IGDCC3: variants seen among roughly 807,000 people sequenced by gnomAD.
The protein encoded by IGDCC3 is putative neuronal cell adhesion molecule.
In IGDCC3, 47 loss-of-function variants were observed where a neutral mutation model predicts 72.0. The observed-to-expected ratio is 0.65, with a 90% CI of 0.52 to 0.83. The LOEUF (loss-of-function observed/expected upper bound fraction) is 0.83. Among genes scored for constraint, IGDCC3 ranks in the 40% least tolerant of loss-of-function variants. IGDCC3 has a pLI of 0.00. For missense variants in IGDCC3, 1,038 were observed against 1,091.3 expected, an observed-to-expected ratio of 0.95 and a Z score of 0.69; for synonymous variants, 477 against 472.8, an observed-to-expected ratio of 1.01 and a Z score of -0.11.
rs2090944626 is a variant in IGDCC3 at position 65,328,652 on chromosome 15, T to TACC, written c.*254_*256dup. ...TTAGTTCAGTTCCAAGTCATGTGGGTACCAGGCAGAGGCAAGGGGGCGTCA... is the reference window on the plus strand; with the variant it reads ...TTAGTTCAGTTCCAAGTCATGTGGGTACCACCAGGCAGAGGCAAGGGGGCGTCA... On this transcript the variant is annotated 3_prime_UTR_variant, in exon 14 of 14. Transcript: ENST00000327987. 1 of 386,294 alleles carries TACC rather than the reference T, an allele frequency of 2.6e-6. No homozygotes were observed. Among genetic ancestry groups the TACC allele is most frequent in the Admixed American group, 4.5e-5 (1 of 22,314 alleles). The allele number at this position is 386,294 out of a possible 1,614,324, so 23.9% of individuals were successfully genotyped here.
chr15:65,369,049 A>G (rs2091307004), intron 2 of IGDCC3, among the ~76,000 whole-genome samples: 1 of 152,228 alleles, frequency 6.6e-6, no homozygotes, highest in South Asian at 2.1e-4. Context: ...GCCACAAAAC[A>G]GTTACTTAAC....
At position 65,333,360 on chromosome 15, in the gene IGDCC3, G is replaced by A; in HGVS notation, c.879C>T (p.Ile293=). ...GIQVLGTGNL[I]ISDVTVQHSG... ...AGTGCTGGACCGTCACGTCTGAGAT[G>A]ATGAGGTTTCCTGTGCCCAGCACCT... is the stretch of plus-strand genomic sequence containing the variant. The change falls in exon 6 of 14, where the codon ATC becomes ATT. Residue 293 remains isoleucine (I), a synonymous_variant. Coordinates refer to ENST00000327987, the MANE Select transcript of IGDCC3 (RefSeq NM_004884.4). 1 of 1,612,370 alleles carries A rather than the reference G, an allele frequency of 6.2e-7. No homozygotes were observed. The highest frequency in any genetic ancestry group is 2.2e-5 in the East Asian group (1 of 44,742).
chr15:65,337,009 A>G (rs1416881280), intron 2 of IGDCC3, among the ~76,000 whole-genome samples: 3 of 152,060 alleles, frequency 2.0e-5, no homozygotes, highest in African/African-American at 7.2e-5. Flanking sequence ...TCCCAGAGGA[A>G]GCCCTCCCCC....
chr15:65,365,119 G>A (rs1487118034), intron 2 of IGDCC3, among the ~76,000 whole-genome samples: 1 of 152,176 alleles, frequency 6.6e-6, no homozygotes, highest in African/African-American at 2.4e-5. Flanking sequence ...AAATGAGAAA[G>A]CTGGGCTAGA....
chr15:65,367,514 A>G (rs1487066391), intron 2 of IGDCC3, among the ~76,000 whole-genome samples: 1 of 151,766 alleles, frequency 6.6e-6, no homozygotes, highest in Non-Finnish European at 1.5e-5. Flanking sequence ...GTACCCTAAA[A>G]CTTAAAAGTA....
At chr15:65,330,058 C>A (rs1313385650) in intron 11 of IGDCC3, among the ~76,000 whole-genome samples, 194 bp from the exon 12 acceptor site, 4 of 152,148 alleles carry the variant, frequency 2.6e-5, no homozygotes, top group African/African-American at 9.7e-5. Context: ...ATAGCATGGA[C>A]CATTTCATCC....
rs528637234 is a variant in IGDCC3 at position 65,335,600 on chromosome 15, C to T, written c.555-179G>A. On this transcript the variant is annotated intron_variant, in intron 3 of 13. Coordinates refer to ENST00000327987, the MANE Select transcript of IGDCC3 (RefSeq NM_004884.4). ...CCTCAATTCCAGCCTTGACAACGAT[C>T]GCACACATCCTCAGACACATCCATG... Among the ~76,000 whole-genome samples the T allele has an allele frequency of 2.6e-5, 4 of 152,200 alleles. No homozygotes were observed. In the South Asian group the frequency reaches 6.2e-4, roughly 24 times the overall value.
chr15:65,354,986 TG>T (rs1200189584), intron 2 of IGDCC3, among the ~76,000 whole-genome samples: 1 of 152,214 alleles, frequency 6.6e-6, no homozygotes, highest in African/African-American at 2.4e-5. Flanking sequence ...ACTAAAGCTC[TG>T]GAAGTGACCC....
Position 65,377,930 on chromosome 15 carries a change from GC to G in IGDCC3, c.-143del. ...AGGCGGTGGGGGACTGGGGCCGCATGCCTGCTCAGCAGCGCGGGGGGCGCAG... is the reference window on the plus strand; with the variant it reads ...AGGCGGTGGGGGACTGGGGCCGCATGCTGCTCAGCAGCGCGGGGGGCGCAG... On this transcript the variant is annotated 5_prime_UTR_variant, in exon 1 of 14. Transcript: ENST00000327987. The surrounding 1 kb of genome is among the most constrained non-coding windows in gnomAD (Gnocchi z 4.9). 4 of 773,538 alleles carry G rather than the reference GC, an allele frequency of 5.2e-6. No homozygotes were observed. The highest frequency in any genetic ancestry group is 6.3e-6 in the Non-Finnish European group (4 of 630,568). The allele number at this position is 773,538 out of a possible 1,614,324, so 47.9% of individuals were successfully genotyped here. A position where few individuals can be genotyped will look rare whatever the true frequency, so the allele number is the denominator to read the frequency against.
intron 2 of IGDCC3, chr15:65,356,110 A>C (rs1446743219): frequency 4.7e-6 from 1 of 212,970 alleles, no homozygotes; most frequent in Non-Finnish European, 9.8e-6. Flanking sequence ...ATTCAGGAAA[A>C]ACGGGCACGG....
intron 5 of IGDCC3, 25 bp from the exon 6 acceptor site, chr15:65,333,440 G>T: frequency 6.3e-7 from 1 of 1,577,146 alleles, no homozygotes; most frequent in Non-Finnish European, 8.6e-7. Context: ...GAGGGGGGAT[G>T]GGTGAGGGTC....
At chr15:65,370,162 G>A (rs1296756481) in intron 2 of IGDCC3, among the ~76,000 whole-genome samples, 5 of 151,952 alleles carry the variant, frequency 3.3e-5, no homozygotes, top group Non-Finnish European at 7.4e-5. Flanking sequence ...CACAACTAAA[G>A]GAGCTCATAA....
chr15:65,361,393 G>A (rs992974656), intron 2 of IGDCC3, among the ~76,000 whole-genome samples: 2 of 151,534 alleles, frequency 1.3e-5, no homozygotes, highest in Non-Finnish European at 2.9e-5. Flanking sequence ...AACAAGCCGC[G>A]ATCGTGCTGC....
intron 2 of IGDCC3, among the ~76,000 whole-genome samples, chr15:65,361,290 AC>A (rs2091259330): frequency 1.3e-5 from 2 of 151,084 alleles, no homozygotes; most frequent in Admixed American, 1.3e-4. Context: ...TAATAAAAAA[AC>A]ATTAGCTGGG....
chr15:65,354,108 G>A (rs189496028), intron 2 of IGDCC3, among the ~76,000 whole-genome samples: 2 of 152,150 alleles, frequency 1.3e-5, no homozygotes, highest in African/African-American at 2.4e-5. Context: ...GTTTCACCAC[G>A]TTGGCCAGGC....
rs763080497 is a variant in IGDCC3, at chr15:65,329,082, C to T, written c.2272G>A (p.Gly758Ser). 5.6e-6 allele frequency: 9 copies of T among 1,611,428 alleles called. No individual in the cohort carries two copies. Among genetic ancestry groups the T allele is most frequent in the African/African-American group, 2.7e-5 (2 of 75,038 alleles). ...TCCGTCGTCTTCCCCTCCATCAGGC[C>T]GCACCCCTGAAGTGGCAGCACGGAG... The part of the protein sequence containing the change: ...QLSVLPLQGC[G>S]LMEGKTTEAK... The change falls in exon 14 of 14, where the codon GGC (glycine) becomes AGC (serine). Residue 758 changes from glycine to serine, a missense_variant. Gly to Ser is a moderately conservative substitution (Grantham distance 56). Transcript: ENST00000327987. This position sits in a 1 kb window ranked among gnomAD's most constrained non-coding sequence, Gnocchi z 4.1.
chr15:65,370,620 G>GTGTGTA (rs1491326161), intron 2 of IGDCC3, among the ~76,000 whole-genome samples: 1 of 94,592 alleles, frequency 1.1e-5, no homozygotes, highest in African/African-American at 3.5e-5. Context: ...ATATGTATGT[G>GTGTGTA]TATATATATA....
intron 2 of IGDCC3, among the ~76,000 whole-genome samples, chr15:65,352,217 C>CAA (rs2091179277): frequency 6.6e-6 from 1 of 152,152 alleles, no homozygotes; most frequent in Admixed American, 6.5e-5. Context: ...CAGCTTGTAG[C>CAA]AATTGAGTAA....
At chr15:65,368,598 A>T (rs1438191834) in intron 2 of IGDCC3, among the ~76,000 whole-genome samples, 6 of 152,124 alleles carry the variant, frequency 3.9e-5, no homozygotes, top group Non-Finnish European at 5.9e-5. Flanking sequence ...GAGCCTGGGG[A>T]CATAGGCCTT....
Sources: allele counts gnomAD v4.1 joint callset (sites outside exome capture counted in the v4.1 genomes callset), GRCh38; gene constraint gnomAD v4.1.1; non-coding constraint Gnocchi (gnomAD v3.1); transcripts MANE v1.5; gene names NCBI Gene and HGNC (gene_info 2026-07-23, HGNC 2026-07-21).